Variants in PRPSAP1 observed in about 807,000 individuals in gnomAD.
The protein encoded by PRPSAP1 is phosphoribosyl pyrophosphate synthase-associated protein 1.
A neutral mutation model predicts 39.4 loss-of-function variants in PRPSAP1; 31 were observed. That is an observed-to-expected ratio of 0.79 (90% confidence interval 0.59 to 1.06). PRPSAP1 has a LOEUF of 1.06. Among genes scored for constraint, PRPSAP1 ranks in the 50% least tolerant of loss-of-function variants. The probability of loss-of-function intolerance (pLI) is 0.00; values close to 1 mark genes in which losing one functional copy is unlikely to be tolerated. For synonymous variants in PRPSAP1, 212 were observed against 192.6 expected (o/e 1.10, Z -0.83); for missense variants, 430 against 511.6 (o/e 0.84, Z 1.54).
intron 1 of PRPSAP1, among the ~76,000 whole-genome samples, chr17:76,352,776 C>T (rs184320755): frequency 2.0e-5 from 3 of 152,138 alleles, no homozygotes; most frequent in Admixed American, 2.0e-4. Context: ...TTATCCCGAT[C>T]ATACAATATT....
intron 1 of PRPSAP1, among the ~76,000 whole-genome samples, chr17:76,349,769 A>G (rs2071547904): frequency 6.6e-6 from 1 of 152,004 alleles, no homozygotes; most frequent in Non-Finnish European, 1.5e-5. Context: ...CTCAAAAAAT[A>G]ATAATAAAAA....
At chr17:76,343,044 T>C (rs565542068) in intron 3 of PRPSAP1, among the ~76,000 whole-genome samples, 1 of 152,198 alleles carries the variant, frequency 6.6e-6, no homozygotes, top group African/African-American at 2.4e-5. Flanking sequence ...ACCACTGCAC[T>C]CCAGCCTGGG....
intron 3 of PRPSAP1, among the ~76,000 whole-genome samples, chr17:76,332,885 G>A (rs1429697142): frequency 6.6e-6 from 1 of 151,662 alleles, no homozygotes; most frequent in Non-Finnish European, 1.5e-5. Context: ...GGAGGTCTTG[G>A]AATATAATTT....
intron 1 of PRPSAP1, among the ~76,000 whole-genome samples, chr17:76,350,363 CA>C (rs1258865377): frequency 1.5e-4 from 22 of 150,668 alleles, no homozygotes; most frequent in Non-Finnish European, 4.4e-5. Context: ...GGCGTGAACC[CA>C]GGGGGCGGAG....
chr17:76,341,586 G>C (rs1180452677), intron 3 of PRPSAP1, among the ~76,000 whole-genome samples: 1 of 152,108 alleles, frequency 6.6e-6, no homozygotes, highest in Admixed American at 6.5e-5. Context: ...AAATTCTTTC[G>C]TTATCACAAA....
intron 7 of PRPSAP1, among the ~76,000 whole-genome samples, chr17:76,319,168 G>T (rs948162574): frequency 5.3e-5 from 8 of 152,092 alleles, no homozygotes; most frequent in Non-Finnish European, 1.0e-4. Context: ...TCGAACTCCT[G>T]ACCTCGTGAT....
At chr17:76,330,355 G>GAA in intron 5 of PRPSAP1, 196 bp downstream of exon 5, 2 of 599,152 alleles carry the variant, frequency 3.3e-6, no homozygotes, top group South Asian at 2.3e-5. Flanking sequence ...AAGATACGTA[G>GAA]AAAAAAAATC....
At chr17:76,332,214 G>A in intron 4 of PRPSAP1, 49 bp downstream of exon 4, 1 of 1,583,588 alleles carries the variant, frequency 6.3e-7, no homozygotes, top group Non-Finnish European at 8.6e-7. Context: ...AACTAGGAAA[G>A]AGCCCTAAAG....
At chr17:76,323,217 C>T (rs1217158728) in intron 7 of PRPSAP1, among the ~76,000 whole-genome samples, 2 of 148,100 alleles carry the variant, frequency 1.4e-5, no homozygotes, top group African/African-American at 5.1e-5. Flanking sequence ...TGGTGCACAC[C>T]TGCAATCCCA....
chr17:76,338,424 C>T (rs952194126), intron 3 of PRPSAP1, among the ~76,000 whole-genome samples: 11 of 152,070 alleles, frequency 7.2e-5, no homozygotes, highest in Admixed American at 5.3e-4. Flanking sequence ...AAAACCAGGT[C>T]GGGCACAGTG....
intron 1 of PRPSAP1, 127 bp downstream of exon 1, chr17:76,353,407 T>G: frequency 1.0e-6 from 1 of 961,294 alleles, no homozygotes; most frequent in Admixed American, 4.0e-5. Context: ...TTTGTCCGGC[T>G]GGGAAGGCCC....
At chr17:76,353,462 G>A (rs1188545016) in intron 1 of PRPSAP1, 72 bp downstream of exon 1, 1 of 1,370,412 alleles carries the variant, frequency 7.3e-7, no homozygotes, top group East Asian at 3.0e-5. Flanking sequence ...GTGGAGGGGA[G>A]CGGGTCCCTC....
chr17:76,329,034 G>T, intron 6 of PRPSAP1, 172 bp from the exon 7 acceptor site: 1 of 749,298 alleles, frequency 1.3e-6, no homozygotes, highest in Non-Finnish European at 2.0e-6. Flanking sequence ...GACTCAAAGG[G>T]CACGTGAGTT....
intron 1 of PRPSAP1, chr17:76,353,028 GA>G (rs2071595583): frequency 6.5e-6 from 1 of 153,434 alleles, no homozygotes; most frequent in African/African-American, 2.4e-5. Flanking sequence ...TGCCTCCCTG[GA>G]ATTGCCTTCT....
chr17:76,314,664 C>T (rs2071104039), intron 7 of PRPSAP1: 3 of 152,410 alleles, frequency 2.0e-5, no homozygotes, highest in Admixed American at 2.0e-4. Flanking sequence ...GCCACCGCAC[C>T]CAGCCTTACA....
Position 76,315,808 on chromosome 17 carries a change from G to A in PRPSAP1, c.782-1917C>T, listed in dbSNP as rs1226460123. Among the ~76,000 whole-genome samples, 3 of 144,122 alleles carry A rather than the reference G, an allele frequency of 2.1e-5. No individual in the cohort carries two copies. The East Asian group carries it at 6.2e-4, about 30-fold the overall frequency. The allele number at this position is 144,122 out of a possible 152,430, so 94.5% of individuals were successfully genotyped here. The stretch of plus-strand genomic sequence containing the variant: ...CGGCTCACTGCAACCTCTGCCTCCT[G>A]GGCTCAAGCGATTCTCCTGCTTCAG... On this transcript the variant is annotated intron_variant, in intron 7 of 9. Transcript: ENST00000446526.
At chr17:76,324,337 G>C (rs753590681) in intron 7 of PRPSAP1, among the ~76,000 whole-genome samples, 1 of 151,640 alleles carries the variant, frequency 6.6e-6, no homozygotes, top group Non-Finnish European at 1.5e-5. Flanking sequence ...AGTGGCTCAC[G>C]CCTGTAATCC....
intron 1 of PRPSAP1, among the ~76,000 whole-genome samples, chr17:76,349,095 G>C (rs1011229421): frequency 6.6e-6 from 1 of 152,082 alleles, no homozygotes; most frequent in Non-Finnish European, 1.5e-5. Context: ...CGGATCACCT[G>C]AGGTCGGGAG....
intron 7 of PRPSAP1, among the ~76,000 whole-genome samples, chr17:76,323,357 A>G (rs1029663136): frequency 3.3e-5 from 5 of 150,982 alleles, no homozygotes; most frequent in Non-Finnish European, 7.4e-5. Flanking sequence ...AAAAAAAGAA[A>G]TACATTTTAT....
Sources: gnomAD v4.1 joint callset for allele counts (sites outside exome capture counted in the v4.1 genomes callset) on GRCh38, gnomAD v4.1.1 for gene constraint, MANE v1.5 for transcripts, NCBI Gene and HGNC (gene_info 2026-07-23, HGNC 2026-07-21) for gene names.